The following UCHL3 variants were observed in gnomAD, a reference collection of about 807,000 sequenced individuals.
The protein encoded by UCHL3 is ubiquitin C-terminal hydrolase L3.
A neutral mutation model predicts 35.8 loss-of-function variants in UCHL3; 22 were observed. The ratio of observed to expected loss-of-function variants is 0.61; its 90% CI spans 0.44 to 0.88. The LOEUF is 0.88. Among genes scored for constraint, UCHL3 ranks in the 40% least tolerant of loss-of-function variants. UCHL3 has a pLI of 0.00. For missense variants in UCHL3, 229 were observed against 276.9 expected (o/e 0.83, Z 1.23); for synonymous variants, 90 against 92.8 (o/e 0.97, Z 0.17).
intron 3 of UCHL3, among the ~76,000 whole-genome samples, chr13:75,562,533 T>C (rs1243523649): frequency 6.6e-6 from 1 of 152,054 alleles, no homozygotes; most frequent in African/African-American, 2.4e-5. Flanking sequence ...CAGTAAATAA[T>C]TGAAAAAAAA....
At chr13:75,590,478 G>A (rs1294331262) in intron 6 of UCHL3, among the ~76,000 whole-genome samples, 2 of 151,918 alleles carry the variant, frequency 1.3e-5, no homozygotes, top group African/African-American at 4.9e-5. Flanking sequence ...GTTGACTCAG[G>A]TCAACAAATG....
chr13:75,602,394 C>G (rs1300302121), intron 7 of UCHL3, among the ~76,000 whole-genome samples: 1 of 152,114 alleles, frequency 6.6e-6, no homozygotes, highest in East Asian at 1.9e-4. Context: ...AAAGTCAGGC[C>G]ACTATTTTCT....
At chr13:75,603,550 T>C (rs1266274564) in intron 7 of UCHL3, among the ~76,000 whole-genome samples, 1 of 152,164 alleles carries the variant, frequency 6.6e-6, no homozygotes, top group Non-Finnish European at 1.5e-5. Context: ...GCCTACATTG[T>C]TTACTTATAC....
intron 2 of UCHL3, among the ~76,000 whole-genome samples, chr13:75,554,897 T>TA (rs1284847539): frequency 3.9e-5 from 6 of 152,234 alleles, no homozygotes; most frequent in African/African-American, 1.4e-4. Flanking sequence ...TCTGATCCTC[T>TA]CCTCAGCCTT....
intron 6 of UCHL3, chr13:75,590,162 A>G (rs1371863756): frequency 5.5e-6 from 7 of 1,274,382 alleles, no homozygotes; most frequent in Non-Finnish European, 6.1e-6. Flanking sequence ...CTCTTCTTCC[A>G]GTGACAAGGG....
chr13:75,565,606 A>G (rs1008666103), intron 3 of UCHL3, among the ~76,000 whole-genome samples: 1 of 152,240 alleles, frequency 6.6e-6, no homozygotes, highest in Non-Finnish European at 1.5e-5. Context: ...GTCTGTTGCA[A>G]CTATTTGACT....
intron 7 of UCHL3, among the ~76,000 whole-genome samples, chr13:75,603,000 T>A (rs1292202521): frequency 7.0e-6 from 1 of 143,286 alleles, no homozygotes; most frequent in African/African-American, 2.6e-5. Context: ...TATTATTTTA[T>A]TTTTTTAGAG....
At chr13:75,603,577 A>T (rs2032840596) in intron 7 of UCHL3, among the ~76,000 whole-genome samples, 1 of 152,194 alleles carries the variant, frequency 6.6e-6, no homozygotes. Context: ...CTTTATGTAA[A>T]CATTAAAAAA....
chr13:75,592,456 A>ATATGTATATATG (rs2032532785), intron 6 of UCHL3, among the ~76,000 whole-genome samples: 2 of 119,072 alleles, frequency 1.7e-5, no homozygotes, highest in African/African-American at 6.2e-5. Context: ...ATATATATAT[A>ATATGTATATATG]TATATATATA....
chr13:75,563,895 C>A (rs2138481779), intron 3 of UCHL3, among the ~76,000 whole-genome samples: 1 of 149,786 alleles, frequency 6.7e-6, no homozygotes, highest in Non-Finnish European at 1.5e-5. Flanking sequence ...TTAGGATCTC[C>A]CTTTTTTAAA....
chr13:75,590,233 TCAAC>T (rs2032446206), intron 6 of UCHL3: 1 of 1,194,230 alleles, frequency 8.4e-7, no homozygotes, highest in Admixed American at 3.6e-5. Flanking sequence ...CTTGGTTCAC[TCAAC>T]CATTAGCTTT....
At chr13:75,553,810 A>G (rs1380389392) in intron 2 of UCHL3, among the ~76,000 whole-genome samples, 1 of 152,190 alleles carries the variant, frequency 6.6e-6, no homozygotes, top group Non-Finnish European at 1.5e-5. Context: ...AAAAAGAAAT[A>G]TGGGTTTTCA....
intron 6 of UCHL3, among the ~76,000 whole-genome samples, chr13:75,592,437 T>TATAC (rs2032515736): frequency 1.7e-5 from 1 of 59,242 alleles, no homozygotes; most frequent in Admixed American, 1.5e-4. Flanking sequence ...TATATATATA[T>TATAC]ATATATATAT....
At chr13:75,604,870 CA>C (rs2032888036) in intron 8 of UCHL3, 43 bp downstream of exon 8, 4 of 1,528,242 alleles carry the variant, frequency 2.6e-6, no homozygotes, top group Non-Finnish European at 3.6e-6. Flanking sequence ...AATATTTTGT[CA>C]TCTTTAAAAC....
Position 75,557,961 on chromosome 13 carries a change from AT to A in UCHL3, c.55-2778del, listed in dbSNP as rs201586247. On this transcript the variant is annotated intron_variant, in intron 2 of 8. Transcript: ENST00000377595. ...ATTGTAAAAGTAGGACATTTTAATG[AT>A]TTTTTTTTTTTTTGAAGACGTGAGT... Among the ~76,000 whole-genome samples the A allele has an allele frequency of 4.0e-3, 561 of 140,198 alleles. 3 individuals are homozygous for A. The highest frequency in any genetic ancestry group is 0.032 in the South Asian group (142 of 4,470). 92.0% of individuals were successfully genotyped at this position (140,198 alleles called of 152,430 possible). A position where few individuals can be genotyped will look rare whatever the true frequency, so the allele number is the denominator to read the frequency against.
chr13:75,573,873 G>A (rs528696172), intron 6 of UCHL3, among the ~76,000 whole-genome samples: 10 of 152,128 alleles, frequency 6.6e-5, no homozygotes, highest in South Asian at 2.1e-4. Context: ...CGGGTATACC[G>A]CTGCTCTTTG....
At chr13:75,550,572 CTT>C (rs1363952836) in intron 2 of UCHL3, among the ~76,000 whole-genome samples, 3 of 151,960 alleles carry the variant, frequency 2.0e-5, no homozygotes, top group African/African-American at 7.3e-5. Context: ...CCACGCCATT[CTT>C]TGCAATCTAT....
At position 75,604,791 on chromosome 13, in the gene UCHL3, T is replaced by C; in HGVS notation, c.573T>C (p.Ile191=). 6.3e-7 allele frequency: 1 copy of C among 1,599,074 alleles called. No individual in the cohort carries two copies. The highest frequency in any genetic ancestry group is 1.1e-5 in the South Asian group (1 of 88,658). The change falls in exon 8 of 9, where the codon ATT becomes ATC. Residue 191 remains isoleucine (I), a synonymous_variant. Coordinates refer to ENST00000377595, the MANE Select transcript of UCHL3 (RefSeq NM_006002.5). ...YELDGRKPFP[I]NHGETSDETL... ...CAGATGGGCGGAAGCCATTTCCAAT[T>C]AACCATGGTGAAACTAGTGATGAAA...
At chr13:75,588,531 T>C (rs1435195023) in intron 6 of UCHL3, among the ~76,000 whole-genome samples, 1 of 152,150 alleles carries the variant, frequency 6.6e-6, no homozygotes, top group Non-Finnish European at 1.5e-5. Flanking sequence ...ATAGGATTCA[T>C]TTATGTATTT....
Sources: gnomAD v4.1 joint callset for allele counts (sites outside exome capture counted in the v4.1 genomes callset) on GRCh38, gnomAD v4.1.1 for gene constraint, MANE v1.5 for transcripts, NCBI Gene and HGNC (gene_info 2026-07-23, HGNC 2026-07-21) for gene names.